Variants in GRID1 observed in about 807,000 individuals in gnomAD.
GRID1 encodes glutamate ionotropic receptor delta type subunit 1.
In GRID1, 28 loss-of-function variants were observed where a neutral mutation model predicts 98.0. That is an observed-to-expected ratio of 0.29 (90% CI 0.21 to 0.39). The LOEUF is 0.39. Among genes scored for constraint, GRID1 ranks in the 10% least tolerant of loss-of-function variants. The pLI is 1.00. For missense variants in GRID1, 1,111 were observed against 1,340.5 expected, an observed-to-expected ratio of 0.83 and a Z score of 2.67; for synonymous variants, 553 against 538.5, an observed-to-expected ratio of 1.03 and a Z score of -0.37.
chr10:85,909,155 T>C (rs1841502018), intron 5 of GRID1, among the ~76,000 whole-genome samples: 1 of 152,218 alleles, frequency 6.6e-6, no homozygotes, highest in Non-Finnish European at 1.5e-5. Context: ...AGAAGATACC[T>C]AGATCTAAAT....
Position 85,678,706 on chromosome 10 carries a change from T to C in GRID1, c.1998-31309A>G, listed in dbSNP as rs144152639. On this transcript the variant is annotated intron_variant, in intron 12 of 15. Coordinates refer to ENST00000327946, the MANE Select transcript of GRID1 (RefSeq NM_017551.3). ...TAAAGACATGATAAGGTCCACCTCA[T>C]CCTAAAATAATTACTGTAACATCCA... is the stretch of plus-strand genomic sequence containing the variant. Among the ~76,000 whole-genome samples, 1,288 of 152,218 alleles carry C rather than the reference T, an allele frequency of 8.5e-3. 18 individuals are homozygous for C. The highest frequency in any genetic ancestry group is 0.028 in the African/African-American group (1,161 of 41,512).
chr10:86,101,656 A>T, intron 4 of GRID1, among the ~76,000 whole-genome samples: 1 of 143,556 alleles, frequency 7.0e-6, no homozygotes, highest in South Asian at 2.2e-4. Context: ...TTTTTGAGAC[A>T]GAGTCTCACT....
chr10:86,142,713 T>C (rs1327432325), intron 3 of GRID1, among the ~76,000 whole-genome samples: 1 of 152,222 alleles, frequency 6.6e-6, no homozygotes, highest in Non-Finnish European at 1.5e-5. Context: ...ATGTGTACCA[T>C]GAGGGCTTGC....
At chr10:85,829,908 C>T (rs966068734) in intron 8 of GRID1, among the ~76,000 whole-genome samples, 2 of 152,126 alleles carry the variant, frequency 1.3e-5, no homozygotes, top group African/African-American at 2.4e-5. Context: ...AGATGCAATG[C>T]TATCCCTATT....
chr10:86,087,154 T>C (rs960248578), intron 4 of GRID1, among the ~76,000 whole-genome samples: 1 of 152,230 alleles, frequency 6.6e-6, no homozygotes, highest in Non-Finnish European at 1.5e-5. Flanking sequence ...TACACACTTA[T>C]ACACACTTCC....
At position 85,739,535 on chromosome 10, in the gene GRID1, T is replaced by C. The variant is rs534314625; in HGVS notation, c.1234-9921A>G. On this transcript the variant is annotated intron_variant, in intron 8 of 15. Transcript: ENST00000327946. The stretch of plus-strand genomic sequence containing the variant: ...AGGAGTTCCAGTCTGCAGTGAGCCA[T>C]GATTGAGCCACTGTACTCAAGCCTG... Among the ~76,000 whole-genome samples, 40 of 152,234 alleles carry C rather than the reference T, an allele frequency of 2.6e-4. 1 individual carries two copies. In the South Asian group the frequency reaches 7.7e-3, roughly 29 times the overall value.
rs1843855121 is a variant in GRID1 at position 86,074,651 on chromosome 10, A to C, written c.726+64168T>G. 2.6e-5 allele frequency among the ~76,000 whole-genome samples: 4 copies of C among 152,342 alleles called. No homozygotes were observed. In the South Asian group the frequency reaches 6.2e-4, roughly 24 times the overall value. On this transcript the variant is annotated intron_variant, in intron 4 of 15. Coordinates refer to ENST00000327946, the MANE Select transcript of GRID1 (RefSeq NM_017551.3). ...TCTTTGCTATTGTGAACAGTGCCAC[A>C]GTAAACATAGGGGTCAAGTAACCCT...
intron 8 of GRID1, among the ~76,000 whole-genome samples, chr10:85,812,432 C>T (rs1440470854): frequency 6.6e-6 from 1 of 152,028 alleles, no homozygotes; most frequent in African/African-American, 2.4e-5. Context: ...GGTGTATGTA[C>T]AAAGGTGACA....
At chr10:86,177,020 C>T (rs1387947113) in intron 3 of GRID1, among the ~76,000 whole-genome samples, 1 of 151,806 alleles carries the variant, frequency 6.6e-6, no homozygotes, top group Non-Finnish European at 1.5e-5. Context: ...GTGAGACAGC[C>T]CCAGGCATGC....
At chr10:85,813,598 G>T (rs533286573) in intron 8 of GRID1, among the ~76,000 whole-genome samples, 118 of 151,846 alleles carry the variant, frequency 7.8e-4, no homozygotes, top group Non-Finnish European at 1.4e-3. Flanking sequence ...TATTAAAAAT[G>T]TTTTTTAAAA....
chr10:85,602,946 T>A (rs771406705), intron 15 of GRID1, among the ~76,000 whole-genome samples: 1 of 152,196 alleles, frequency 6.6e-6, no homozygotes, highest in Non-Finnish European at 1.5e-5. Flanking sequence ...CTTGGCTGCA[T>A]CCTGCCTTGC....
At position 85,916,576 on chromosome 10, in the gene GRID1, G is replaced by A. The variant is rs543252324; in HGVS notation, c.727-337C>T. ...CCTGCAAACACCTTTCTGCAGGGGCGCTTAGGGGATGAGTGTTATCATTAC... is the reference window on the plus strand; with the variant it reads ...CCTGCAAACACCTTTCTGCAGGGGCACTTAGGGGATGAGTGTTATCATTAC... On this transcript the variant is annotated intron_variant, in intron 4 of 15. Transcript: ENST00000327946. The surrounding 1 kb of genome is among the most constrained non-coding windows in gnomAD (Gnocchi z 4.0). 6.6e-5 allele frequency among the ~76,000 whole-genome samples: 10 copies of A among 152,278 alleles called. No homozygotes were observed. In the South Asian group the frequency reaches 1.2e-3, roughly 19 times the overall value.
chr10:86,094,587 C>T (rs901304592), intron 4 of GRID1, among the ~76,000 whole-genome samples: 6 of 152,098 alleles, frequency 3.9e-5, no homozygotes, highest in African/African-American at 1.4e-4. Flanking sequence ...AGAACTCAAC[C>T]CCTTTTCCAA....
At chr10:86,218,042 T>C (rs962870177) in intron 2 of GRID1, among the ~76,000 whole-genome samples, 1 of 152,198 alleles carries the variant, frequency 6.6e-6, no homozygotes, top group Non-Finnish European at 1.5e-5. Flanking sequence ...TGAGGCTCTG[T>C]GAGGTTTCTG....
intron 4 of GRID1, among the ~76,000 whole-genome samples, chr10:85,927,657 G>A (rs959540620): frequency 6.6e-5 from 10 of 152,030 alleles, no homozygotes; most frequent in Non-Finnish European, 1.0e-4. Context: ...TTTTTCAAAC[G>A]AATCTCCCCA....
intron 5 of GRID1, among the ~76,000 whole-genome samples, chr10:85,898,371 G>T (rs897660175): frequency 6.6e-6 from 1 of 151,944 alleles, no homozygotes; most frequent in Admixed American, 6.6e-5. Flanking sequence ...TACTATAGAG[G>T]CTATGAACAC....
In GRID1 at chr10:85,613,485, G is replaced by A; in HGVS notation, c.2523C>T (p.Gly841=). ...FAGVFCILAI[G]LLLACLVAAL... ...CAGCCACCAGGCAGGCCAGGAGCAG[G>A]CCAATGGCCAGGATGCAGAAGACCC... Residue 841 remains glycine, a synonymous_variant, in exon 15 of 16, where the codon GGC becomes GGT. Coordinates refer to ENST00000327946, the MANE Select transcript of GRID1 (RefSeq NM_017551.3). The A allele has an allele frequency of 1.2e-6, 2 of 1,614,130 alleles. No individual in the cohort carries two copies. The highest frequency in any genetic ancestry group is 1.3e-5 in the African/African-American group (1 of 75,072).
chr10:85,933,957 C>T (rs1235598230), intron 4 of GRID1, among the ~76,000 whole-genome samples: 2 of 152,204 alleles, frequency 1.3e-5, no homozygotes, highest in Non-Finnish European at 2.9e-5. Flanking sequence ...ATGTACAGAA[C>T]AGGAGATCTG....
chr10:85,904,478 A>G (rs1841432302), intron 5 of GRID1, among the ~76,000 whole-genome samples: 1 of 152,196 alleles, frequency 6.6e-6, no homozygotes, highest in Non-Finnish European at 1.5e-5. Context: ...AGGAAAGACT[A>G]CTAGAGAGAA....
Sources: gnomAD v4.1 joint callset for allele counts (sites outside exome capture counted in the v4.1 genomes callset) on GRCh38, gnomAD v4.1.1 for gene constraint, Gnocchi (gnomAD v3.1) non-coding constraint, MANE v1.5 for transcripts, NCBI Gene and HGNC (gene_info 2026-07-23, HGNC 2026-07-21) for gene names.